TXLNB: variants seen among roughly 807,000 people sequenced by gnomAD.
TXLNB encodes beta-taxilin.
TXLNB carries 37 observed loss-of-function variants against 57.4 expected under a neutral mutation model. The ratio of observed to expected loss-of-function variants is 0.64; its 90% CI spans 0.50 to 0.85. The LOEUF is 0.85. Ranked by LOEUF, TXLNB falls within the 40% of genes least tolerant of loss-of-function variation. TXLNB has a pLI of 0.00. For synonymous variants in TXLNB, 302 were observed against 309.6 expected, an observed-to-expected ratio of 0.98 and a Z score of 0.26; for missense variants, 848 against 825.6, an observed-to-expected ratio of 1.03 and a Z score of -0.33.
At chr6:139,199,699 A>G in the TXLNB span, among the ~76,000 whole-genome samples, 3 of 152,154 alleles carry the variant, frequency 2.0e-5, no homozygotes, top group African/African-American at 7.2e-5. Flanking sequence ...CTTTGCTGGT[A>G]AGGGATGCTG....
At chr6:139,159,905 T>TA in the TXLNB span, among the ~76,000 whole-genome samples, 1 of 152,230 alleles carries the variant, frequency 6.6e-6, no homozygotes, top group Non-Finnish European at 1.5e-5. Context: ...ACTCATAGTT[T>TA]AAAAGCTGAA....
chr6:139,244,735 A>T, intron 8 of TXLNB, 45 bp from the exon 9 acceptor site: 1 of 1,383,100 alleles, frequency 7.2e-7, no homozygotes, highest in Non-Finnish European at 1.0e-6. Context: ...AAAAGTTAAT[A>T]TATCAAGGAA....
chr6:139,274,957 C>T (rs565375939), intron 3 of TXLNB, among the ~76,000 whole-genome samples: 3 of 152,220 alleles, frequency 2.0e-5, no homozygotes, highest in African/African-American at 7.2e-5. Flanking sequence ...TTATTTTTGA[C>T]ACCTAAATTA....
the TXLNB span, among the ~76,000 whole-genome samples, chr6:139,204,407 C>A: frequency 4.6e-5 from 7 of 152,114 alleles, no homozygotes; most frequent in Non-Finnish European, 1.0e-4. Context: ...GCAGCACTCC[C>A]ACTCTGCAGC....
intron 5 of TXLNB, among the ~76,000 whole-genome samples, chr6:139,262,176 G>A (rs1245677307): frequency 6.6e-6 from 1 of 152,016 alleles, no homozygotes; most frequent in Non-Finnish European, 1.5e-5. Context: ...AAAGTGCTGG[G>A]ATTACAGGCG....
downstream of TXLNB, among the ~76,000 whole-genome samples, chr6:139,235,346 G>A (rs921354889): frequency 1.3e-5 from 2 of 152,158 alleles, no homozygotes; most frequent in African/African-American, 2.4e-5. Context: ...CAGACTCACA[G>A]GCAGAAGGGA....
At chr6:139,287,673 G>A (rs1017832270) in intron 2 of TXLNB, among the ~76,000 whole-genome samples, 6 of 152,216 alleles carry the variant, frequency 3.9e-5, no homozygotes, top group South Asian at 2.1e-4. Context: ...GGGAGTATTC[G>A]TAGTGAGTGT....
At position 139,262,711 on chromosome 6, in the gene TXLNB, G is replaced by C; in HGVS notation, c.750C>G (p.Phe250Leu). ...CCTGGATGTCCGTGAGGGTACTCTG[G>C]AAATGGCTTGTGATTTCCTTCCTTT... ...EEKRKEITSHFQSTLTDIQGQ... is the reference protein window; with the variant it reads ...EEKRKEITSHLQSTLTDIQGQ... The change falls in exon 5 of 10, where the codon TTC becomes TTG. Residue 250 changes from phenylalanine (F) to leucine (L), a missense_variant. Phe to Leu is a conservative substitution (Grantham distance 22). Transcript: ENST00000358430. 1 of 1,614,138 alleles carries C rather than the reference G, an allele frequency of 6.2e-7. No individual in the cohort carries two copies.
intron 4 of TXLNB, among the ~76,000 whole-genome samples, chr6:139,265,772 T>G (rs150785012): frequency 2.0e-5 from 3 of 152,372 alleles, no homozygotes; most frequent in African/African-American, 7.2e-5. Context: ...TCCTATTCTT[T>G]ATAGCTTTTA....
the TXLNB span, among the ~76,000 whole-genome samples, chr6:139,159,490 A>G: frequency 6.6e-6 from 1 of 151,974 alleles, no homozygotes; most frequent in Non-Finnish European, 1.5e-5. Flanking sequence ...TGGGTGCCAC[A>G]AGGAGGGTAG....
In TXLNB at chr6:139,288,526, G is replaced by C; in HGVS notation, c.374C>G (p.Pro125Arg). Residue 125 changes from proline (P) to arginine (R), a missense_variant, in exon 2 of 10, where the codon CCC becomes CGC. Pro to Arg is a moderately radical substitution (Grantham distance 103). Transcript: ENST00000358430. ...ASGEPPTVKE[P>R]VSNKEQKLEK... is the part of the protein sequence containing the mutation. Reference sequence around the variant, plus strand: ...CAATTTTTGCTCCTTATTGCTGACGGGCTCTTTGACAGTGGGTGGCTCTCC... The same window carrying C: ...CAATTTTTGCTCCTTATTGCTGACGCGCTCTTTGACAGTGGGTGGCTCTCC... 6.2e-7 allele frequency: 1 copy of C among 1,614,152 alleles called. No individual in the cohort carries two copies. The highest frequency in any genetic ancestry group is 8.5e-7 in the Non-Finnish European group (1 of 1,180,028).
chr6:139,280,146 G>T (rs1191560933), intron 2 of TXLNB, among the ~76,000 whole-genome samples: 2 of 151,414 alleles, frequency 1.3e-5, no homozygotes, highest in African/African-American at 4.9e-5. Flanking sequence ...CAGCTACTCT[G>T]GAGGCTGAGG....
chr6:139,166,803 C>T, the TXLNB span: 10 of 1,613,576 alleles, frequency 6.2e-6, no homozygotes, highest in Non-Finnish European at 8.5e-6. Flanking sequence ...GGTGCCCGTT[C>T]CCCCGGTGGC....
At chr6:139,254,521 T>C (rs961327965) in intron 7 of TXLNB, among the ~76,000 whole-genome samples, 2 of 152,186 alleles carry the variant, frequency 1.3e-5, no homozygotes, top group African/African-American at 4.8e-5. Flanking sequence ...TGTGGCAGGA[T>C]GGTACTCCTG....
chr6:139,305,323 C>A, the TXLNB span, among the ~76,000 whole-genome samples: 1 of 152,110 alleles, frequency 6.6e-6, no homozygotes, highest in African/African-American at 2.4e-5. Flanking sequence ...TAACAGCTTA[C>A]TAATATTTTA....
At chr6:139,166,850 C>T in the TXLNB span, 19 of 1,613,866 alleles carry the variant, frequency 1.2e-5, no homozygotes, top group African/African-American at 1.7e-4. Flanking sequence ...CTACTCCATC[C>T]TCTCTCCTGC....
intron 1 of TXLNB, among the ~76,000 whole-genome samples, chr6:139,289,792 T>G (rs1287627309): frequency 6.6e-6 from 1 of 152,214 alleles, no homozygotes; most frequent in East Asian, 1.9e-4. Context: ...TGTTTAAATA[T>G]AAAGTGGTAT....
intron 4 of TXLNB, among the ~76,000 whole-genome samples, chr6:139,267,784 A>G (rs925750915): frequency 6.6e-6 from 1 of 152,202 alleles, no homozygotes; most frequent in Non-Finnish European, 1.5e-5. Context: ...ATGAAAAGAG[A>G]TACACCAGGC....
the TXLNB span, chr6:139,159,183 T>A: frequency 6.6e-6 from 1 of 152,166 alleles, no homozygotes; most frequent in African/African-American, 2.4e-5. Flanking sequence ...AGGTCTTTAA[T>A]AAGTTGCAGA....
Sources: gnomAD v4.1 joint callset for allele counts (sites outside exome capture counted in the v4.1 genomes callset) on GRCh38, gnomAD v4.1.1 for gene constraint, MANE v1.5 for transcripts, NCBI Gene and HGNC (gene_info 2026-07-23, HGNC 2026-07-21) for gene names.